TNRC6A: variants seen among roughly 807,000 people sequenced by gnomAD.
TNRC6A encodes the protein trinucleotide repeat containing adaptor 6A.
TNRC6A carries 44 observed loss-of-function variants against 221.2 expected under a neutral mutation model. That is an observed-to-expected ratio of 0.20 (90% CI 0.16 to 0.26). The LOEUF is 0.26. Among genes scored for constraint, TNRC6A ranks in the 10% least tolerant of loss-of-function variants. The probability of loss-of-function intolerance (pLI) is 1.00; values close to 1 mark genes in which losing one functional copy is unlikely to be tolerated. For synonymous variants in TNRC6A, 847 were observed against 838.5 expected, an observed-to-expected ratio of 1.01 and a Z score of -0.18; for missense variants, 2,199 against 2,404.4, an observed-to-expected ratio of 0.91 and a Z score of 1.79.
At chr16:24,819,840 A>G (rs1341437891) in intron 21 of TNRC6A, 4 of 352,930 alleles carry the variant, frequency 1.1e-5, no homozygotes, top group Non-Finnish European at 2.1e-5. Context: ...CACAATTGCT[A>G]TTTTAGAGCA....
intron 15 of TNRC6A, 77 bp from the exon 16 acceptor site, chr16:24,806,129 C>T: frequency 6.5e-7 from 1 of 1,536,618 alleles, no homozygotes; most frequent in Non-Finnish European, 8.9e-7. Flanking sequence ...TCTGTAGGTC[C>T]ATCTGCTGTC....
upstream of TNRC6A, among the ~76,000 whole-genome samples, chr16:24,727,067 T>A (rs560096504): frequency 6.6e-6 from 1 of 151,592 alleles, no homozygotes; most frequent in Non-Finnish European, 1.5e-5. Context: ...TTCACTGTTG[T>A]TGCCCAGGCT....
chr16:24,632,555 T>G (rs1252591865), intron 1 of TNRC6A, among the ~76,000 whole-genome samples: 3 of 152,214 alleles, frequency 2.0e-5, no homozygotes, highest in Non-Finnish European at 4.4e-5. Context: ...TCACCTGGAC[T>G]GGGTAAGACT....
chr16:24,822,921 G>A lies in TNRC6A; in HGVS notation c.5421G>A (p.Leu1807=), dbSNP rs550400147. The A allele has an allele frequency of 4.3e-6, 7 of 1,614,204 alleles. No individual in the cohort carries two copies. The African/African-American group carries it at 9.3e-5, about 22-fold the overall frequency. ...CTCTGTGCATGCAGCACGGCCCGCTGATCACATTCCACCTGAACCTCCCTC... is the reference window on the plus strand; with the variant it reads ...CTCTGTGCATGCAGCACGGCCCGCTAATCACATTCCACCTGAACCTCCCTC... ...LRTLCMQHGP[L]ITFHLNLPHG... The change falls in exon 24 of 25, where the codon CTG becomes CTA. Residue 1807 remains leucine, a synonymous_variant. Transcript: ENST00000395799.
chr16:24,680,884 C>T (rs895722232), intron 2 of TNRC6A, among the ~76,000 whole-genome samples: 60 of 151,636 alleles, frequency 4.0e-4, no homozygotes, highest in Non-Finnish European at 5.9e-5. Flanking sequence ...CTCAGCCTCC[C>T]GAGTAGCTGA....
Position 24,750,830 on chromosome 16 carries a change from CTA to C in TNRC6A, c.141+19_141+20del, listed in dbSNP as rs1183708424. The C allele has an allele frequency of 2.5e-5, 38 of 1,491,884 alleles. No individual in the cohort carries two copies. Among genetic ancestry groups the C allele is most frequent in the Non-Finnish European group, 3.4e-5 (38 of 1,123,968 alleles). 92.4% of individuals were successfully genotyped at this position (1,491,884 alleles called of 1,614,324 possible). ...CAAAAGAAGGTAGTATGTGTGTAAA[CTA>C]TTTATATTAAGCAGTTTAAACATAG... On this transcript the variant is annotated intron_variant, in intron 3 of 24. Coordinates refer to ENST00000395799, the MANE Select transcript of TNRC6A (RefSeq NM_014494.4).
At chr16:24,724,994 G>A (rs1430403967), upstream of TNRC6A, among the ~76,000 whole-genome samples, 2 of 152,066 alleles carry the variant, frequency 1.3e-5, no homozygotes, top group African/African-American at 4.8e-5. Flanking sequence ...AGGAGGAGAA[G>A]TTAGAGAACA....
At chr16:24,797,795 A>G (rs2058249951) in intron 10 of TNRC6A, 120 bp from the exon 11 acceptor site, 1 of 940,848 alleles carries the variant, frequency 1.1e-6, no homozygotes. Context: ...GCAGTGAAAA[A>G]TGAAGCTTTA....
Position 24,790,303 on chromosome 16 carries a change from G to A in TNRC6A, c.1661G>A (p.Gly554Asp), listed in dbSNP as rs1038558333. 10 of 1,614,088 alleles carry A rather than the reference G, an allele frequency of 6.2e-6. No individual in the cohort carries two copies. Among genetic ancestry groups the A allele is most frequent in the Admixed American group, 1.7e-5 (1 of 60,008 alleles). Residue 554 changes from glycine (G) to aspartate (D), a missense_variant, in exon 6 of 25, where the codon GGC becomes GAC. Gly to Asp is a moderately conservative substitution (Grantham distance 94, BLOSUM62 -1). This residue lies in a region of TNRC6A where 1,405 missense variants were observed against 1,400.2 expected (regional missense o/e 1.00). Coordinates refer to ENST00000395799, the MANE Select transcript of TNRC6A (RefSeq NM_014494.4). ...GTGAATGCAACTCTAATGCAGCCTG[G>A]CGTAAATGGTCCTATGGGCACTAAC... is the stretch of plus-strand genomic sequence containing the variant. ...DTVNATLMQP[G>D]VNGPMGTNFQ... is the part of the protein sequence containing the mutation.
At chr16:24,710,178 T>C (rs2056177319) in intron 2 of TNRC6A, among the ~76,000 whole-genome samples, 1 of 150,092 alleles carries the variant, frequency 6.7e-6, no homozygotes, top group Non-Finnish European at 1.5e-5. Context: ...TGAGCCGAGA[T>C]CGCGCCATTG....
chr16:24,694,736 C>G (rs543746345), intron 2 of TNRC6A, among the ~76,000 whole-genome samples: 2 of 150,192 alleles, frequency 1.3e-5, no homozygotes, highest in Non-Finnish European at 2.9e-5. Flanking sequence ...GAGCTCAAGA[C>G]CAGCCTGGGC....
At chr16:24,634,714 C>T (rs1438160607) in intron 1 of TNRC6A, among the ~76,000 whole-genome samples, 2 of 152,144 alleles carry the variant, frequency 1.3e-5, no homozygotes, top group Non-Finnish European at 2.9e-5. Flanking sequence ...GAACTTCATT[C>T]GGGGATTCCA....
intron 23 of TNRC6A, among the ~76,000 whole-genome samples, chr16:24,822,427 G>A (rs1384389420): frequency 6.6e-6 from 1 of 152,194 alleles, no homozygotes; most frequent in Non-Finnish European, 1.5e-5. Context: ...TTTGTATGAG[G>A]GCCTGCAGAT....
chr16:24,642,102 G>A (rs140886876), intron 2 of TNRC6A, among the ~76,000 whole-genome samples: 2 of 152,288 alleles, frequency 1.3e-5, no homozygotes, highest in East Asian at 3.9e-4. Context: ...CTGAATCAGT[G>A]GCTATGATCG....
chr16:24,818,446 A>C (rs1596828104), intron 20 of TNRC6A, 147 bp from the exon 21 acceptor site: 1 of 656,510 alleles, frequency 1.5e-6, no homozygotes, highest in East Asian at 2.7e-5. Context: ...GCAAGAAGGA[A>C]GATGTCTCGG....
chr16:24,676,923 A>G (rs745459278), intron 2 of TNRC6A, among the ~76,000 whole-genome samples: 12 of 151,840 alleles, frequency 7.9e-5, no homozygotes, highest in African/African-American at 1.7e-4. Context: ...AGAAATTCCT[A>G]TTCTTCAAGG....
At chr16:24,755,737 A>G (rs2057237195) in intron 3 of TNRC6A, among the ~76,000 whole-genome samples, 1 of 152,190 alleles carries the variant, frequency 6.6e-6, no homozygotes, top group Non-Finnish European at 1.5e-5. Context: ...CTGCCACTGC[A>G]CTGCTGTCTT....
intron 2 of TNRC6A, among the ~76,000 whole-genome samples, chr16:24,748,424 C>G (rs531906972): frequency 2.4e-4 from 36 of 152,124 alleles, no homozygotes; most frequent in African/African-American, 8.4e-4. Context: ...CTTACTACCT[C>G]CTGCACACAG....
intron 4 of TNRC6A, among the ~76,000 whole-genome samples, chr16:24,766,375 C>A (rs924540667): frequency 8.5e-5 from 13 of 152,156 alleles, no homozygotes; most frequent in African/African-American, 3.1e-4. Flanking sequence ...ATTTTAATAT[C>A]CACCATTGTG....
Sources: gnomAD v4.1 joint callset for allele counts (sites outside exome capture counted in the v4.1 genomes callset) on GRCh38, gnomAD v4.1.1 for gene constraint, gnomAD v4.1.1 regional missense constraint, MANE v1.5 for transcripts, NCBI Gene and HGNC (gene_info 2026-07-23, HGNC 2026-07-21) for gene names.